The following ADCY5 variants were observed in gnomAD, a reference collection of about 807,000 sequenced individuals.
ADCY5 encodes the protein adenylate cyclase 5.
Under a neutral mutation model 119.7 loss-of-function variants are expected in ADCY5, and 30 were observed. The ratio of observed to expected loss-of-function variants is 0.25; its 90% CI spans 0.19 to 0.34. The LOEUF is 0.34. ADCY5 is among the 10% of genes least tolerant of loss of function. The pLI, the probability that ADCY5 is intolerant of heterozygous loss-of-function variation, is 1.00. For missense variants in ADCY5, 1,324 were observed against 1,775.2 expected (o/e 0.75, Z 4.57); for synonymous variants, 753 against 762.2 (o/e 0.99, Z 0.20).
intron 1 of ADCY5, among the ~76,000 whole-genome samples, chr3:123,369,045 T>C (rs557332951): frequency 1.3e-5 from 2 of 152,256 alleles, no homozygotes; most frequent in African/African-American, 4.8e-5. Flanking sequence ...CGAAATTTAA[T>C]GTGTTGGGAA....
At chr3:123,432,377 G>C (rs1340353788) in intron 1 of ADCY5, among the ~76,000 whole-genome samples, 1 of 152,134 alleles carries the variant, frequency 6.6e-6, no homozygotes. Flanking sequence ...CAGCAGGCAG[G>C]AAAAGACACC....
intron 12 of ADCY5, among the ~76,000 whole-genome samples, chr3:123,313,393 C>T (rs368605068): frequency 2.8e-4 from 43 of 152,308 alleles, no homozygotes; most frequent in East Asian, 1.5e-3. Flanking sequence ...GGGGCCCCAC[C>T]GCCCACCCCA....
rs1430070755 is a variant in ADCY5 at position 123,409,003 on chromosome 3, T to C, written c.1134+38409A>G. 5.3e-5 allele frequency among the ~76,000 whole-genome samples: 8 copies of C among 152,110 alleles called. No homozygotes were observed. In the East Asian group the frequency reaches 1.5e-3, roughly 29 times the overall value. On this transcript the variant is annotated intron_variant, in intron 1 of 20. Coordinates refer to ENST00000462833, the MANE Select transcript of ADCY5 (RefSeq NM_183357.3). ...AAATAAAATAAAATAAAAATAGCTATAACAAACCACATTTACTTACATAAA... is the reference window on the plus strand; with the variant it reads ...AAATAAAATAAAATAAAAATAGCTACAACAAACCACATTTACTTACATAAA...
intron 12 of ADCY5, among the ~76,000 whole-genome samples, chr3:123,308,667 A>G (rs1218673377): frequency 6.6e-6 from 1 of 152,028 alleles, no homozygotes; most frequent in African/African-American, 2.4e-5. Context: ...GTCTCTACTA[A>G]AAATACAAAA....
At chr3:123,367,239 A>G (rs748447746) in intron 1 of ADCY5, among the ~76,000 whole-genome samples, 1 of 152,194 alleles carries the variant, frequency 6.6e-6, no homozygotes, top group Non-Finnish European at 1.5e-5. Context: ...AGCAGCAGAG[A>G]AAGGCAGACA....
At chr3:123,416,543 G>A (rs928924841) in intron 1 of ADCY5, among the ~76,000 whole-genome samples, 2 of 152,194 alleles carry the variant, frequency 1.3e-5, no homozygotes, top group East Asian at 1.9e-4. Context: ...ACTCCTACCC[G>A]ATAGGGCTTT....
intron 9 of ADCY5, among the ~76,000 whole-genome samples, chr3:123,320,096 A>C (rs1941141440): frequency 6.6e-6 from 1 of 152,238 alleles, no homozygotes; most frequent in African/African-American, 2.4e-5. Flanking sequence ...TTATATTAGC[A>C]TAACAATGTG....
At chr3:123,393,979 C>G (rs1013277288) in intron 1 of ADCY5, among the ~76,000 whole-genome samples, 2 of 152,098 alleles carry the variant, frequency 1.3e-5, no homozygotes, top group African/African-American at 4.8e-5. Flanking sequence ...ACTAAAAATA[C>G]ACACACACAA....
intron 8 of ADCY5, among the ~76,000 whole-genome samples, chr3:123,322,531 G>C (rs1941273140): frequency 6.6e-6 from 1 of 152,096 alleles, no homozygotes; most frequent in South Asian, 2.1e-4. Flanking sequence ...AACCATGGCA[G>C]GGGGGCCATT....
intron 1 of ADCY5, among the ~76,000 whole-genome samples, chr3:123,359,363 T>TATATATATATATATATATA (rs1943163024): frequency 3.0e-5 from 4 of 132,692 alleles, no homozygotes; most frequent in Non-Finnish European, 3.2e-5. Flanking sequence ...TATATATATA[T>TATATATATATATATATATA]TCATTATTTA....
At chr3:123,322,077 C>A (rs947435147) in intron 8 of ADCY5, among the ~76,000 whole-genome samples, 2 of 152,200 alleles carry the variant, frequency 1.3e-5, no homozygotes, top group Non-Finnish European at 2.9e-5. Context: ...ATAGATGTCA[C>A]TCAAGTGAGC....
chr3:123,336,536 G>GCA (rs1942034468), intron 3 of ADCY5, among the ~76,000 whole-genome samples: 1 of 152,196 alleles, frequency 6.6e-6, no homozygotes, highest in Non-Finnish European at 1.5e-5. Context: ...CCCCGGGGTA[G>GCA]GAAGGAAAAA....
chr3:123,432,513 T>C (rs1212098463), intron 1 of ADCY5, among the ~76,000 whole-genome samples: 2 of 152,088 alleles, frequency 1.3e-5, no homozygotes, highest in African/African-American at 4.8e-5. Context: ...AACCAGTGTT[T>C]CCTATTTTTT....
chr3:123,438,689 G>A (rs1945668850), intron 1 of ADCY5, among the ~76,000 whole-genome samples: 1 of 152,174 alleles, frequency 6.6e-6, no homozygotes, highest in Non-Finnish European at 1.5e-5. Context: ...AAGTGCAAGC[G>A]TAGTGATGCT....
intron 1 of ADCY5, among the ~76,000 whole-genome samples, chr3:123,381,207 G>A (rs565914153): frequency 1.3e-5 from 2 of 152,308 alleles, no homozygotes; most frequent in Admixed American, 1.3e-4. Context: ...TAAATGCCGA[G>A]GATTTTCACT....
Position 123,439,890 on chromosome 3 carries a change from T to TA in ADCY5, c.1134+7521dup, listed in dbSNP as rs549358424. 4.9e-3 allele frequency among the ~76,000 whole-genome samples: 750 copies of TA among 152,354 alleles called. 6 individuals are homozygous for TA. The highest frequency in any genetic ancestry group is 0.017 in the African/African-American group (712 of 41,576). On this transcript the variant is annotated intron_variant, in intron 1 of 20. Coordinates refer to ENST00000462833, the MANE Select transcript of ADCY5 (RefSeq NM_183357.3). Reference sequence around the variant, plus strand: ...ACTTAATGATGGTTTTCAAATCTGTTAAGTGATATAGTATCGGCAGTGCCA... The same window carrying TA: ...ACTTAATGATGGTTTTCAAATCTGTTAAAGTGATATAGTATCGGCAGTGCCA...
At chr3:123,443,471 C>T (rs1395188551) in intron 1 of ADCY5, among the ~76,000 whole-genome samples, 2 of 152,156 alleles carry the variant, frequency 1.3e-5, no homozygotes, top group African/African-American at 4.8e-5. Flanking sequence ...TGCGCACGTG[C>T]TCACGTACAC....
intron 8 of ADCY5, among the ~76,000 whole-genome samples, chr3:123,324,369 A>G (rs894766579): frequency 6.7e-6 from 1 of 149,906 alleles, no homozygotes; most frequent in Non-Finnish European, 1.5e-5. Flanking sequence ...TACTTGTGCA[A>G]CATGCCCCTC....
At chr3:123,404,264 G>A (rs947102943) in intron 1 of ADCY5, 2 of 152,226 alleles carry the variant, frequency 1.3e-5, no homozygotes, top group Admixed American at 1.3e-4. Flanking sequence ...CAAGCACCCC[G>A]AGTGCTGAGA....
Sources: gnomAD v4.1 joint callset for allele counts (sites outside exome capture counted in the v4.1 genomes callset) on GRCh38, gnomAD v4.1.1 for gene constraint, MANE v1.5 for transcripts, NCBI Gene and HGNC (gene_info 2026-07-23, HGNC 2026-07-21) for gene names.